The following SNTG1 variants were observed in gnomAD, a reference collection of about 807,000 sequenced individuals.
The protein encoded by SNTG1 is syntrophin gamma 1, also known as gamma-1-syntrophin.
SNTG1 carries 39 observed loss-of-function variants against 74.7 expected under a neutral mutation model. The observed-to-expected ratio is 0.52, with a 90% CI of 0.40 to 0.68. The LOEUF is 0.68. Among genes scored for constraint, SNTG1 ranks in the 30% least tolerant of loss-of-function variants. The pLI is 0.00. For synonymous variants in SNTG1, 254 were observed against 217.1 expected, an observed-to-expected ratio of 1.17 and a Z score of -1.49; for missense variants, 685 against 609.5, an observed-to-expected ratio of 1.12 and a Z score of -1.30.
chr8:50,070,698 T>G (rs1821291616), intron 1 of SNTG1, among the ~76,000 whole-genome samples: 1 of 152,244 alleles, frequency 6.6e-6, no homozygotes, highest in Non-Finnish European at 1.5e-5. Context: ...GGTCAGGTTC[T>G]CTATTGCTGC....
chr8:50,599,217 A>C (rs751741561), intron 13 of SNTG1, among the ~76,000 whole-genome samples: 1 of 151,946 alleles, frequency 6.6e-6, no homozygotes, highest in Non-Finnish European at 1.5e-5. Context: ...TGTTCCAATG[A>C]TCTGTGTGTC....
chr8:50,346,684 T>C (rs1246328734), intron 2 of SNTG1, among the ~76,000 whole-genome samples: 3 of 152,238 alleles, frequency 2.0e-5, no homozygotes, highest in Non-Finnish European at 4.4e-5. Context: ...TGAAGGAAAT[T>C]AAAAATACTT....
intron 2 of SNTG1, among the ~76,000 whole-genome samples, chr8:50,220,305 G>A (rs2085000585): frequency 6.6e-6 from 1 of 152,068 alleles, no homozygotes; most frequent in Non-Finnish European, 1.5e-5. Context: ...GAAACTGCAG[G>A]TTATATAGAT....
At chr8:50,720,039 T>A (rs187437973) in intron 17 of SNTG1, among the ~76,000 whole-genome samples, 2 of 152,176 alleles carry the variant, frequency 1.3e-5, no homozygotes, top group African/African-American at 4.8e-5. Flanking sequence ...ACAATTTAGT[T>A]CAATCTTTAA....
intron 12 of SNTG1, among the ~76,000 whole-genome samples, chr8:50,574,028 T>G (rs1285276153): frequency 6.6e-6 from 1 of 152,020 alleles, no homozygotes. Flanking sequence ...ATATATGATA[T>G]TCAGCAAATA....
chr8:50,188,129 A>C (rs1193092421), intron 2 of SNTG1, among the ~76,000 whole-genome samples: 2 of 152,138 alleles, frequency 1.3e-5, no homozygotes, highest in Non-Finnish European at 2.9e-5. Context: ...CTTATTGACA[A>C]TCATTCTCAA....
chr8:50,428,093 C>G (rs553684529), intron 4 of SNTG1, among the ~76,000 whole-genome samples: 2 of 152,226 alleles, frequency 1.3e-5, no homozygotes, highest in East Asian at 3.9e-4. Flanking sequence ...AAGGTGAGAT[C>G]ACTTGAGGCC....
At chr8:50,211,003 T>A (rs1289654467) in intron 2 of SNTG1, among the ~76,000 whole-genome samples, 1 of 152,176 alleles carries the variant, frequency 6.6e-6, no homozygotes, top group Non-Finnish European at 1.5e-5. Flanking sequence ...GCATTGGTAA[T>A]GTATGATTGC....
Position 50,285,616 on chromosome 8 carries a change from G to A in SNTG1, c.-27-108596G>A, listed in dbSNP as rs540640568. On this transcript the variant is annotated intron_variant, in intron 2 of 18. Transcript: ENST00000642720. The stretch of plus-strand genomic sequence containing the variant: ...TCATCTCATTATTTCTGTCATTCAT[G>A]TCTGTTTATCCATCCATCCATTCAT... Among the ~76,000 whole-genome samples the A allele has an allele frequency of 3.9e-5, 6 of 152,166 alleles. No homozygotes were observed. The East Asian group carries it at 5.8e-4, about 15-fold the overall frequency.
At chr8:50,627,600 T>C (rs1005295829) in intron 13 of SNTG1, among the ~76,000 whole-genome samples, 2 of 152,336 alleles carry the variant, frequency 1.3e-5, no homozygotes, top group African/African-American at 4.8e-5. Context: ...ACATCAATTG[T>C]ACTTCTAGTC....
intron 18 of SNTG1, among the ~76,000 whole-genome samples, chr8:50,776,890 A>C (rs1210683051): frequency 6.6e-6 from 1 of 151,912 alleles, no homozygotes; most frequent in Non-Finnish European, 1.5e-5. Flanking sequence ...TTCTTTCAGC[A>C]GTTGAAAAAT....
rs113184033 is a variant in SNTG1 at position 49,928,555 on chromosome 8, A to T, written c.-103+16324A>T. Among the ~76,000 whole-genome samples the T allele has an allele frequency of 8.8e-3, 1,336 of 152,158 alleles. 21 individuals carry two copies. Among genetic ancestry groups the T allele is most frequent in the African/African-American group, 0.03 (1,247 of 41,512 alleles). ...CAGAGATTCTTAGACTGTAATAAAT[A>T]CACTACTCTGCTGGTGTGCAACAAA... On this transcript the variant is annotated intron_variant, in intron 1 of 18. Coordinates refer to ENST00000642720, the MANE Select transcript of SNTG1 (RefSeq NM_018967.5).
intron 2 of SNTG1, among the ~76,000 whole-genome samples, chr8:50,224,121 A>G (rs556067463): frequency 6.6e-6 from 1 of 152,346 alleles, no homozygotes; most frequent in Non-Finnish European, 1.5e-5. Flanking sequence ...TGTAAGACAT[A>G]TAAGACCTAC....
chr8:50,580,505 T>C (rs1209335781), intron 12 of SNTG1, among the ~76,000 whole-genome samples: 1 of 152,178 alleles, frequency 6.6e-6, no homozygotes, highest in Non-Finnish European at 1.5e-5. Flanking sequence ...AAATCTCATC[T>C]TGAACTATAG....
intron 1 of SNTG1, among the ~76,000 whole-genome samples, chr8:49,930,001 A>C (rs1174752422): frequency 6.6e-6 from 1 of 151,814 alleles, no homozygotes; most frequent in Admixed American, 6.6e-5. Context: ...ACAAGTAAAC[A>C]ACTAAAACAA....
intron 2 of SNTG1, among the ~76,000 whole-genome samples, chr8:50,275,546 A>C (rs1286799728): frequency 5.9e-5 from 9 of 152,196 alleles, no homozygotes; most frequent in Admixed American, 5.9e-4. Context: ...ACACTTCACA[A>C]GTAGTGCAGG....
At chr8:50,682,141 G>A (rs766432254) in intron 15 of SNTG1, among the ~76,000 whole-genome samples, 1 of 152,086 alleles carries the variant, frequency 6.6e-6, no homozygotes, top group African/African-American at 2.4e-5. Context: ...TCTATAGAAG[G>A]GTGTGACTTG....
At chr8:50,072,793 T>C (rs1237468527) in intron 1 of SNTG1, among the ~76,000 whole-genome samples, 1 of 152,192 alleles carries the variant, frequency 6.6e-6, no homozygotes, top group African/African-American at 2.4e-5. Flanking sequence ...AATATTGTAA[T>C]AAAGTGAATC....
chr8:50,341,771 G>A (rs1481257104), intron 2 of SNTG1, among the ~76,000 whole-genome samples: 3 of 151,984 alleles, frequency 2.0e-5, no homozygotes, highest in Non-Finnish European at 4.4e-5. Context: ...AGTCACCTTT[G>A]CCTTGTAAAC....
Sources: allele counts gnomAD v4.1 joint callset (sites outside exome capture counted in the v4.1 genomes callset), GRCh38; gene constraint gnomAD v4.1.1; transcripts MANE v1.5; gene names NCBI Gene and HGNC (gene_info 2026-07-23, HGNC 2026-07-21).